NTM: variants seen among roughly 807,000 people sequenced by gnomAD.
NTM encodes IgLON family member 2.
In NTM, 13 loss-of-function variants were observed where a neutral mutation model predicts 42.1. The ratio of observed to expected loss-of-function variants is 0.31; its 90% CI spans 0.20 to 0.49. NTM has a LOEUF of 0.49. Among genes scored for constraint, NTM ranks in the 20% least tolerant of loss-of-function variants. The pLI is 0.99. For synonymous variants in NTM, 187 were observed against 179.2 expected (o/e 1.04, Z -0.35); for missense variants, 373 against 452.8 (o/e 0.82, Z 1.60).
chr11:132,131,365 T>G (rs986376937), intron 2 of NTM, among the ~76,000 whole-genome samples: 1 of 152,108 alleles, frequency 6.6e-6, no homozygotes, highest in African/African-American at 2.4e-5. Flanking sequence ...TGACTGCCTG[T>G]GATAATGAAC....
intron 3 of NTM, among the ~76,000 whole-genome samples, chr11:132,189,817 G>T (rs145035072): frequency 1.8e-4 from 27 of 152,260 alleles, no homozygotes; most frequent in Non-Finnish European, 1.8e-4. Context: ...TGTGTGATTC[G>T]GTTTATGCAT....
chr11:131,458,185 A>G (rs566835355), intron 1 of NTM, among the ~76,000 whole-genome samples: 1 of 152,330 alleles, frequency 6.6e-6, no homozygotes, highest in South Asian at 2.1e-4. Flanking sequence ...TGAAAAGAAG[A>G]GAGTGGGTTC....
At chr11:131,750,025 C>T (rs1460547665) in intron 1 of NTM, among the ~76,000 whole-genome samples, 1 of 152,192 alleles carries the variant, frequency 6.6e-6, no homozygotes, top group East Asian at 1.9e-4. Context: ...TGAAAGCAAG[C>T]TGGGCATGCT....
At chr11:131,984,971 C>G (rs1360659435) in intron 2 of NTM, among the ~76,000 whole-genome samples, 1 of 152,062 alleles carries the variant, frequency 6.6e-6, no homozygotes, top group Non-Finnish European at 1.5e-5. Flanking sequence ...TAATATTGAG[C>G]CTTTGCTGCT....
intron 2 of NTM, among the ~76,000 whole-genome samples, chr11:131,923,555 T>C (rs587605): frequency 1.3e-5 from 2 of 150,878 alleles, no homozygotes; most frequent in Admixed American, 1.3e-4. Flanking sequence ...TGTGACACAC[T>C]TCATAAAATC....
At position 132,302,061 on chromosome 11, in the gene NTM, A is replaced by T. The variant is rs370927608; in HGVS notation, c.527-5628A>T. Among the ~76,000 whole-genome samples the T allele has an allele frequency of 5.1e-4, 77 of 152,318 alleles. No homozygotes were observed. The South Asian group carries it at 0.016, about 31-fold the overall frequency. On this transcript the variant is annotated intron_variant, in intron 4 of 8. Coordinates refer to ENST00000683400, the MANE Select transcript of NTM (RefSeq NM_001352005.2). ...TCCAAAGGGATGTTATGCACACAAG[A>T]CAGTCTCTGTCATTCGATTAGTTGT...
intron 1 of NTM, among the ~76,000 whole-genome samples, chr11:131,619,792 G>A (rs918659539): frequency 1.3e-5 from 2 of 151,880 alleles, no homozygotes; most frequent in African/African-American, 4.8e-5. Flanking sequence ...GGATATGGGG[G>A]TAACATCTAC....
chr11:131,390,903 G>T (rs75068314), intron 1 of NTM, among the ~76,000 whole-genome samples: 1,945 of 152,206 alleles, frequency 0.013, 17 homozygotes, highest in Middle Eastern at 0.048. Flanking sequence ...CAGCAGACCT[G>T]GTTACCTGGC....
intron 1 of NTM, among the ~76,000 whole-genome samples, chr11:131,515,537 C>G (rs2048794270): frequency 6.6e-6 from 1 of 152,162 alleles, no homozygotes; most frequent in Non-Finnish European, 1.5e-5. Context: ...CTCCCCTGTC[C>G]AGAAAACAAG....
At chr11:132,068,403 T>C (rs1247119764) in intron 2 of NTM, among the ~76,000 whole-genome samples, 1 of 152,214 alleles carries the variant, frequency 6.6e-6, no homozygotes, top group Non-Finnish European at 1.5e-5. Flanking sequence ...TGTAAAACAA[T>C]TCAGCTAAGT....
At chr11:132,048,814 T>TC (rs1198038602) in intron 2 of NTM, among the ~76,000 whole-genome samples, 110 of 84,432 alleles carry the variant, frequency 1.3e-3, no homozygotes, top group Non-Finnish European at 2.1e-3. Flanking sequence ...TTCTTTTCTT[T>TC]TTTCTTTTTT....
At chr11:132,299,835 C>T (rs1051450416) in intron 4 of NTM, among the ~76,000 whole-genome samples, 2 of 152,112 alleles carry the variant, frequency 1.3e-5, no homozygotes, top group African/African-American at 4.8e-5. Flanking sequence ...TCATCAGATT[C>T]TCTTTTCCGC....
intron 1 of NTM, among the ~76,000 whole-genome samples, chr11:131,685,328 C>T (rs923344458): frequency 6.6e-6 from 1 of 152,026 alleles, no homozygotes; most frequent in African/African-American, 2.4e-5. Flanking sequence ...CATGGAGAGT[C>T]GGGCATCCAT....
intron 2 of NTM, among the ~76,000 whole-genome samples, chr11:131,961,955 C>T (rs980172424): frequency 6.6e-6 from 1 of 152,054 alleles, no homozygotes; most frequent in Non-Finnish European, 1.5e-5. Flanking sequence ...ATCCATGCAC[C>T]AATGGTGTCC....
chr11:131,771,856 T>C (rs1462420492), intron 1 of NTM, among the ~76,000 whole-genome samples: 2 of 152,200 alleles, frequency 1.3e-5, no homozygotes, highest in Non-Finnish European at 2.9e-5. Context: ...AAATAGTACA[T>C]GCTTTATGAA....
At chr11:132,233,313 G>C (rs1249355556) in intron 4 of NTM, among the ~76,000 whole-genome samples, 1 of 152,132 alleles carries the variant, frequency 6.6e-6, no homozygotes, top group African/African-American at 2.4e-5. Flanking sequence ...CTAGCTACTT[G>C]GGAGGCTGAG....
intron 4 of NTM, among the ~76,000 whole-genome samples, chr11:132,276,000 C>T (rs1471183225): frequency 6.6e-6 from 1 of 151,878 alleles, no homozygotes; most frequent in Non-Finnish European, 1.5e-5. Context: ...TCCTGCTTCT[C>T]CTTGCTAGTC....
intron 1 of NTM, among the ~76,000 whole-genome samples, chr11:131,640,899 C>A (rs2065049160): frequency 6.6e-6 from 1 of 152,278 alleles, no homozygotes; most frequent in South Asian, 2.1e-4. Context: ...CTTTGCTCAC[C>A]AGGCTACAGA....
chr11:131,939,109 C>T (rs1268983550), intron 2 of NTM, among the ~76,000 whole-genome samples: 1 of 151,938 alleles, frequency 6.6e-6, no homozygotes, highest in Non-Finnish European at 1.5e-5. Flanking sequence ...GGTAAAATCA[C>T]CAAGATAAGG....
Sources: allele counts gnomAD v4.1 joint callset (sites outside exome capture counted in the v4.1 genomes callset), GRCh38; gene constraint gnomAD v4.1.1; transcripts MANE v1.5; gene names NCBI Gene and HGNC (gene_info 2026-07-23, HGNC 2026-07-21).